AKAP13: variants seen among roughly 807,000 people sequenced by gnomAD.
The protein encoded by AKAP13 is A-kinase anchoring protein 13.
A neutral mutation model predicts 264.5 loss-of-function variants in AKAP13; 80 were observed. The ratio of observed to expected loss-of-function variants is 0.30; its 90% CI spans 0.25 to 0.36. The LOEUF is 0.36. AKAP13 is among the 10% of genes least tolerant of loss of function. The pLI is 1.00. For missense variants in AKAP13, 3,712 were observed against 3,435.2 expected (o/e 1.08, Z -2.01); for synonymous variants, 1,380 against 1,250.2 (o/e 1.10, Z -2.19).
Position 85,580,975 on chromosome 15 carries a change from A to T in AKAP13, c.2907A>T (p.Ser969=), listed in dbSNP as rs1340149649. Residue 969 remains serine (S), a synonymous_variant, in exon 7 of 37, where the codon TCA becomes TCT. Coordinates refer to ENST00000394518, the MANE Select transcript of AKAP13 (RefSeq NM_007200.5). Reference sequence around the variant, plus strand: ...AACAATTTCATGAAAAATCAATCTCAGCTGACTGTGCCAAGGACAAAGCAC... The same window carrying T: ...AACAATTTCATGAAAAATCAATCTCTGCTGACTGTGCCAAGGACAAAGCAC... ...DTQQFHEKSI[S]ADCAKDKALQ... 1 of 1,614,012 alleles carries T rather than the reference A, an allele frequency of 6.2e-7. No homozygotes were observed. The highest frequency in any genetic ancestry group is 8.5e-7 in the Non-Finnish European group (1 of 1,180,020).
Position 85,579,989 on chromosome 15 carries a change from C to G in AKAP13, c.1921C>G (p.His641Asp). ...PHQNSETNSS[H>D]AQSQKGKSSP... is the part of the protein sequence containing the mutation. Reference sequence around the variant, plus strand: ...CCAGAACTCAGAAACAAATTCATCTCATGCTCAAAGCCAAAAGGGCAAATC... The same window carrying G: ...CCAGAACTCAGAAACAAATTCATCTGATGCTCAAAGCCAAAAGGGCAAATC... Residue 641 changes from histidine (H) to aspartate (D), a missense_variant, in exon 7 of 37, where the codon CAT becomes GAT. Coordinates refer to ENST00000394518, the MANE Select transcript of AKAP13 (RefSeq NM_007200.5). 1 of 1,614,220 alleles carries G rather than the reference C, an allele frequency of 6.2e-7. No homozygotes were observed. Among genetic ancestry groups the G allele is most frequent in the African/African-American group, 1.3e-5 (1 of 75,068 alleles).
chr15:85,727,185 T>C lies in AKAP13; in HGVS notation c.6942T>C (p.His2314=). ...GMTDPEMVEV[H]ASSKEERNSW... ...CAGATCCAGAGATGGTAGAAGTCCA[T>C]GCCAGCTCCAAAGAGGAACGAAACA... The change falls in exon 28 of 37, where the codon CAT becomes CAC. Residue 2314 remains histidine (H), a synonymous_variant. Coordinates refer to ENST00000394518, the MANE Select transcript of AKAP13 (RefSeq NM_007200.5). The surrounding 1 kb of genome is among the most constrained non-coding windows in gnomAD (Gnocchi z 5.3). 5.0e-6 allele frequency: 8 copies of C among 1,614,192 alleles called. No individual in the cohort carries two copies. Among genetic ancestry groups the C allele is most frequent in the Non-Finnish European group, 6.8e-6 (8 of 1,180,032 alleles).
chr15:85,579,255 A>G lies in AKAP13; in HGVS notation c.1187A>G (p.Asp396Gly), dbSNP rs745869450. The G allele has an allele frequency of 6.2e-7, 1 of 1,614,214 alleles. No homozygotes were observed. The highest frequency in any genetic ancestry group is 2.2e-5 in the East Asian group (1 of 44,888). Residue 396 changes from aspartate (D) to glycine (G), a missense_variant, in exon 7 of 37, where the codon GAT becomes GGT. Physicochemically the swap from Asp to Gly is moderately conservative, Grantham distance 94. Around this residue, in one of 3 missense-constraint regions of AKAP13, gnomAD observed 2,759 missense variants for 2,411.7 expected, o/e 1.14. Transcript: ENST00000394518. Reference sequence around the variant, plus strand: ...ATTGTGGACTCTGGAACTGTATCTGATCAAGACAGCTGCCTTCAGAGCTTG... The same window carrying G: ...ATTGTGGACTCTGGAACTGTATCTGGTCAAGACAGCTGCCTTCAGAGCTTG... The part of the protein sequence containing the change: ...APIVDSGTVS[D>G]QDSCLQSLPD...
At position 85,708,096 on chromosome 15, in the gene AKAP13, T is replaced by A; in HGVS notation, c.5532+10T>A. On this transcript the variant is annotated intron_variant, in intron 18 of 36. Coordinates refer to ENST00000394518, the MANE Select transcript of AKAP13 (RefSeq NM_007200.5). The surrounding 1 kb of genome is among the most constrained non-coding windows in gnomAD (Gnocchi z 4.3). ...AAAGGTCAAAATGAAGGTAAGACTT[T>A]CTGGCTAAAACAAGGCTTAAAATAA... The A allele has an allele frequency of 6.2e-7, 1 of 1,613,254 alleles. No homozygotes were observed. Among genetic ancestry groups the A allele is most frequent in the East Asian group, 2.2e-5 (1 of 44,870 alleles).
intron 1 of AKAP13, among the ~76,000 whole-genome samples, chr15:85,410,215 C>G (rs1196456794): frequency 6.6e-6 from 1 of 151,484 alleles, no homozygotes; most frequent in Non-Finnish European, 1.5e-5. Context: ...CATGACTTCC[C>G]CGGGCTGGTC....
chr15:85,461,410 C>T (rs992337483), intron 1 of AKAP13, among the ~76,000 whole-genome samples: 1 of 152,176 alleles, frequency 6.6e-6, no homozygotes, highest in Non-Finnish European at 1.5e-5. Flanking sequence ...GCCACTGCGC[C>T]CGGCCCGTTA....
At position 85,740,321 on chromosome 15, in the gene AKAP13, C is replaced by A. The variant is rs773778324; in HGVS notation, c.7608+49C>A. The stretch of plus-strand genomic sequence containing the variant: ...CTGCGTTTATTTGTCTAGAGAACAG[C>A]AGCTTGGGGCTGTTGTTGACTTGGA... On this transcript the variant is annotated intron_variant, in intron 34 of 36. Transcript: ENST00000394518. 2.5e-6 allele frequency: 4 copies of A among 1,601,092 alleles called. No homozygotes were observed. In the Admixed American group the frequency reaches 6.7e-5, roughly 27 times the overall value.
At chr15:85,732,836 TA>T (rs2088154972) in intron 30 of AKAP13, among the ~76,000 whole-genome samples, 1 of 151,364 alleles carries the variant, frequency 6.6e-6, no homozygotes, top group Non-Finnish European at 1.5e-5. Context: ...TTACTATTGC[TA>T]ATACTGTTAG....
In AKAP13 at chr15:85,461,109, AATTTT is replaced by A. The variant is rs61221023; in HGVS notation, c.-11-24581_-11-24577del. On this transcript the variant is annotated intron_variant, in intron 1 of 36. Coordinates refer to ENST00000394518, the MANE Select transcript of AKAP13 (RefSeq NM_007200.5). ...AGCTCTTTAAGGACAAGGACTGTAT[AATTTT>A]ATTTTATTTTATTTTATTTGAGACA... Among the ~76,000 whole-genome samples the A allele has an allele frequency of 3.3e-5, 5 of 150,790 alleles. No homozygotes were observed. In the South Asian group the frequency reaches 6.3e-4, roughly 19 times the overall value.
intron 6 of AKAP13, chr15:85,577,783 CCA>C (rs1485281469): frequency 2.0e-6 from 2 of 984,490 alleles, no homozygotes; most frequent in African/African-American, 3.5e-5. Context: ...ATCTGCCATG[CCA>C]CTGTTCCTGA....
chr15:85,440,858 G>A (rs146567268), intron 1 of AKAP13, among the ~76,000 whole-genome samples: 3 of 152,304 alleles, frequency 2.0e-5, no homozygotes, highest in African/African-American at 7.2e-5. Context: ...GAATGGCTTA[G>A]TGTGGTGGAA....
intron 1 of AKAP13, among the ~76,000 whole-genome samples, chr15:85,451,144 G>C (rs1445864569): frequency 6.6e-6 from 1 of 152,102 alleles, no homozygotes; most frequent in African/African-American, 2.4e-5. Context: ...TGTTGGTTTG[G>C]AGTCTGTTTT....
chr15:85,423,443 T>C (rs2072621338), intron 1 of AKAP13, among the ~76,000 whole-genome samples: 1 of 152,262 alleles, frequency 6.6e-6, no homozygotes, highest in Admixed American at 6.5e-5. Context: ...TAGAAGCCAC[T>C]TTCTTTGCTC....
chr15:85,439,845 A>G (rs1303917932), intron 1 of AKAP13, among the ~76,000 whole-genome samples: 73 of 142,688 alleles, frequency 5.1e-4, no homozygotes, highest in Non-Finnish European at 1.4e-4. Flanking sequence ...GGGGAGGGAT[A>G]GCATTAGGAG....
chr15:85,596,976 T>C (rs1452040520), intron 8 of AKAP13, among the ~76,000 whole-genome samples: 1 of 152,170 alleles, frequency 6.6e-6, no homozygotes, highest in Non-Finnish European at 1.5e-5. Context: ...AATTATGAAT[T>C]ATTTTATTGC....
At chr15:85,738,395 C>CA (rs1044424992) in intron 33 of AKAP13, among the ~76,000 whole-genome samples, 74 of 144,362 alleles carry the variant, frequency 5.1e-4, no homozygotes, top group African/African-American at 8.9e-4. Context: ...GTATCCATCT[C>CA]AAAAAAAAAA....
intron 2 of AKAP13, among the ~76,000 whole-genome samples, chr15:85,505,547 A>C (rs2076193970): frequency 6.6e-6 from 1 of 152,234 alleles, no homozygotes; most frequent in Non-Finnish European, 1.5e-5. Context: ...TTAAATAAAA[A>C]GTAACCTTAA....
chr15:85,709,480 C>T (rs2086503661), intron 18 of AKAP13, among the ~76,000 whole-genome samples: 1 of 152,012 alleles, frequency 6.6e-6, no homozygotes, highest in African/African-American at 2.4e-5. Flanking sequence ...CTGCCACTGC[C>T]TTCCCACACC....
chr15:85,395,570 G>A (rs905092353), intron 1 of AKAP13, among the ~76,000 whole-genome samples: 1 of 152,130 alleles, frequency 6.6e-6, no homozygotes, highest in Non-Finnish European at 1.5e-5. Flanking sequence ...TTATTTGAAA[G>A]GATATCTGAA....
Sources: allele counts gnomAD v4.1 joint callset (sites outside exome capture counted in the v4.1 genomes callset), GRCh38; gene constraint gnomAD v4.1.1; regional missense constraint gnomAD v4.1.1; non-coding constraint Gnocchi (gnomAD v3.1); transcripts MANE v1.5; gene names NCBI Gene and HGNC (gene_info 2026-07-23, HGNC 2026-07-21).